XYLT1: variants seen among roughly 807,000 people sequenced by gnomAD.
XYLT1 encodes the protein beta-D-xylosyltransferase 1.
XYLT1 carries 36 observed loss-of-function variants against 91.3 expected under a neutral mutation model. The ratio of observed to expected loss-of-function variants is 0.39; its 90% CI spans 0.30 to 0.52. XYLT1 has a LOEUF of 0.52. Among genes scored for constraint, XYLT1 ranks in the 20% least tolerant of loss-of-function variants. XYLT1 has a pLI of 0.68. For missense variants in XYLT1, 1,242 were observed against 1,284.5 expected (o/e 0.97, Z 0.51); for synonymous variants, 588 against 532.0 (o/e 1.11, Z -1.45).
chr16:17,304,891 C>A (rs1294597373), intron 2 of XYLT1, among the ~76,000 whole-genome samples: 1 of 152,066 alleles, frequency 6.6e-6, no homozygotes. Context: ...TTAACACTAC[C>A]CTATGACATT....
chr16:17,158,678 C>G, intron 6 of XYLT1, 151 bp downstream of exon 6: 1 of 744,518 alleles, frequency 1.3e-6, no homozygotes, highest in Non-Finnish European at 2.3e-6. Flanking sequence ...ACTTCAGATC[C>G]CACGCAGACA....
intron 2 of XYLT1, among the ~76,000 whole-genome samples, chr16:17,353,725 G>A (rs987910703): frequency 1.4e-5 from 2 of 147,010 alleles, no homozygotes; most frequent in East Asian, 1.9e-4. Flanking sequence ...CTGTCCGTCT[G>A]TCTATCTATG....
intron 8 of XYLT1, among the ~76,000 whole-genome samples, chr16:17,135,708 G>A (rs563235677): frequency 9.9e-5 from 15 of 152,182 alleles, no homozygotes; most frequent in Non-Finnish European, 1.3e-4. Flanking sequence ...GAGATGGGAC[G>A]AAGAGTCAGG....
rs78004061 is a variant in XYLT1 at position 17,464,090 on chromosome 16, G to A, written c.363+6344C>T. Among the ~76,000 whole-genome samples, 929 of 151,328 alleles carry A rather than the reference G, an allele frequency of 6.1e-3. 10 individuals are homozygous for A. The highest frequency in any genetic ancestry group is 0.02 in the African/African-American group (832 of 40,650). On this transcript the variant is annotated intron_variant, in intron 1 of 11. Transcript: ENST00000261381. ...TGATTAGGGGAGTAGGGAGGAAGATGTTGATTGGAAGGATAAAAATCCAGT... is the reference window on the plus strand; with the variant it reads ...TGATTAGGGGAGTAGGGAGGAAGATATTGATTGGAAGGATAAAAATCCAGT...
chr16:17,460,014 C>G (rs944825575), intron 1 of XYLT1, among the ~76,000 whole-genome samples: 4 of 152,204 alleles, frequency 2.6e-5, no homozygotes, highest in African/African-American at 9.7e-5. Context: ...TTCTGAGCTT[C>G]AAAGCACTTT....
chr16:17,412,119 T>C (rs1287802766), intron 1 of XYLT1, among the ~76,000 whole-genome samples: 1 of 152,098 alleles, frequency 6.6e-6, no homozygotes, highest in Non-Finnish European at 1.5e-5. Context: ...TTGAAGGGCA[T>C]GTGTAAGAAG....
intron 2 of XYLT1, among the ~76,000 whole-genome samples, chr16:17,276,584 A>G (rs2141779315): frequency 6.6e-6 from 1 of 152,332 alleles, no homozygotes; most frequent in Middle Eastern, 3.4e-3. Context: ...TTTCGCGTGC[A>G]CTGTCATCAT....
chr16:17,248,841 G>A lies in XYLT1; in HGVS notation c.913+10147C>T, dbSNP rs370628829. ...CAGCTCACTGCAACCTCCTCCTCCC[G>A]GGCTAAAGCAATTCTCATGCCTTAG... On this transcript the variant is annotated intron_variant, in intron 3 of 11. Transcript: ENST00000261381. Among the ~76,000 whole-genome samples, 9 of 144,690 alleles carry A rather than the reference G, an allele frequency of 6.2e-5. No individual in the cohort carries two copies. The East Asian group carries it at 1.0e-3, about 16-fold the overall frequency. The allele number at this position is 144,690 out of a possible 152,430, so 94.9% of individuals were successfully genotyped here. A position where few individuals can be genotyped will look rare whatever the true frequency, so the allele number is the denominator to read the frequency against.
At chr16:17,208,764 A>G (rs2141596983) in intron 3 of XYLT1, among the ~76,000 whole-genome samples, 1 of 152,182 alleles carries the variant, frequency 6.6e-6, no homozygotes, top group Middle Eastern at 3.4e-3. Flanking sequence ...TCTCACTGTC[A>G]CCCAGGCTGG....
At chr16:17,161,673 G>GCTCT (rs1321773095) in intron 5 of XYLT1, among the ~76,000 whole-genome samples, 1 of 90,978 alleles carries the variant, frequency 1.1e-5, no homozygotes, top group African/African-American at 3.7e-5. Flanking sequence ...CCAGTTTCTC[G>GCTCT]CGCGCTCTCT....
At chr16:17,313,726 T>C (rs1292647669) in intron 2 of XYLT1, among the ~76,000 whole-genome samples, 2 of 151,394 alleles carry the variant, frequency 1.3e-5, no homozygotes. Flanking sequence ...CATGATAGCA[T>C]TGGGAGTGGT....
At chr16:17,395,829 G>T (rs1314742562) in intron 1 of XYLT1, among the ~76,000 whole-genome samples, 1 of 152,138 alleles carries the variant, frequency 6.6e-6, no homozygotes, top group African/African-American at 2.4e-5. Context: ...GGACCCTTCG[G>T]GGAAGGACTC....
Position 17,291,619 on chromosome 16 carries a change from G to A in XYLT1, c.403-32121C>T, listed in dbSNP as rs1409979006. On this transcript the variant is annotated intron_variant, in intron 2 of 11. Coordinates refer to ENST00000261381, the MANE Select transcript of XYLT1 (RefSeq NM_022166.4). The stretch of plus-strand genomic sequence containing the variant: ...CTGAGCTGTGTTTTCCTAAAGCTCT[G>A]AAGGTCAAATACGGTGCTGAGGACC... Among the ~76,000 whole-genome samples, 5 of 149,688 alleles carry A rather than the reference G, an allele frequency of 3.3e-5. No individual in the cohort carries two copies. In the South Asian group the frequency reaches 1.1e-3, roughly 32 times the overall value.
intron 5 of XYLT1, among the ~76,000 whole-genome samples, chr16:17,195,510 A>G (rs769094450): frequency 6.6e-6 from 1 of 151,692 alleles, no homozygotes; most frequent in Non-Finnish European, 1.5e-5. Context: ...CAGTGGCGCG[A>G]TATCGGCTCA....
intron 11 of XYLT1, among the ~76,000 whole-genome samples, chr16:17,115,998 AGC>A (rs368823344): frequency 0.013 from 585 of 43,566 alleles, 14 homozygotes; most frequent in Non-Finnish European, 0.035. Context: ...AAAAAAAAAA[AGC>A]AATCTTACAG....
At chr16:17,409,327 C>T (rs1304471163) in intron 1 of XYLT1, among the ~76,000 whole-genome samples, 1 of 152,188 alleles carries the variant, frequency 6.6e-6, no homozygotes, top group Non-Finnish European at 1.5e-5. Context: ...AAAGTCCTAG[C>T]AGCTTGGACC....
intron 3 of XYLT1, among the ~76,000 whole-genome samples, chr16:17,219,225 G>A (rs1018799412): frequency 3.4e-5 from 5 of 147,882 alleles, no homozygotes; most frequent in African/African-American, 1.3e-4. Context: ...AGGCTGCAGT[G>A]TGCTGAGGTC....
rs201659000 is a variant in XYLT1, at chr16:17,357,983, T to C, written c.402+29A>G. 1,919 of 1,611,854 alleles carry C rather than the reference T, an allele frequency of 1.2e-3. 3 individuals carry two copies. Among genetic ancestry groups the C allele is most frequent in the Non-Finnish European group, 1.5e-3 (1,792 of 1,178,980 alleles). ...GAGAGCTGGAATACTAAGGCTGAGA[T>C]AAGTGGCCAAGACAGGAAAGATACT... is the stretch of plus-strand genomic sequence containing the variant. On this transcript the variant is annotated intron_variant, in intron 2 of 11. Transcript: ENST00000261381.
chr16:17,375,598 G>C (rs1472023561), intron 1 of XYLT1, among the ~76,000 whole-genome samples: 1 of 152,092 alleles, frequency 6.6e-6, no homozygotes, highest in Non-Finnish European at 1.5e-5. Flanking sequence ...GATTTACAAG[G>C]CTCTCTGGTG....
Sources: allele counts gnomAD v4.1 joint callset (sites outside exome capture counted in the v4.1 genomes callset), GRCh38; gene constraint gnomAD v4.1.1; transcripts MANE v1.5; gene names NCBI Gene and HGNC (gene_info 2026-07-23, HGNC 2026-07-21).